DEUP1: variants seen among roughly 807,000 people sequenced by gnomAD.
DEUP1 encodes deuterosome assembly protein 1.
In DEUP1, 82 loss-of-function variants were observed where a neutral mutation model predicts 87.4. The observed-to-expected ratio is 0.94, with a 90% CI of 0.78 to 1.13. The LOEUF is 1.13. Among genes scored for constraint, DEUP1 ranks in the 50% most tolerant of loss-of-function variants. The pLI is 0.00. For missense variants in DEUP1, 663 were observed against 681.5 expected (o/e 0.97, Z 0.30); for synonymous variants, 214 against 222.7 (o/e 0.96, Z 0.35).
intron 13 of DEUP1, among the ~76,000 whole-genome samples, chr11:93,427,315 A>G (rs971977572): frequency 1.3e-5 from 2 of 151,884 alleles, no homozygotes; most frequent in Non-Finnish European, 2.9e-5. Flanking sequence ...CTCAGAAATA[A>G]TGCCGCATAT....
At chr11:93,414,781 G>A (rs907122424) in intron 12 of DEUP1, among the ~76,000 whole-genome samples, 1 of 152,096 alleles carries the variant, frequency 6.6e-6, no homozygotes, top group African/African-American at 2.4e-5. Context: ...TTTAACAGTT[G>A]TTAAGTTTTC....
intron 9 of DEUP1, among the ~76,000 whole-genome samples, chr11:93,394,024 T>A (rs1310241253): frequency 6.6e-6 from 1 of 152,216 alleles, no homozygotes; most frequent in Non-Finnish European, 1.5e-5. Flanking sequence ...GTACAGCCTA[T>A]TTTAGTTTTA....
chr11:93,375,886 T>C (rs1005298431), intron 7 of DEUP1, among the ~76,000 whole-genome samples: 11 of 152,234 alleles, frequency 7.2e-5, no homozygotes, highest in African/African-American at 2.7e-4. Context: ...GAATGTTTGA[T>C]AGAATTTAGC....
At chr11:93,416,113 T>C (rs1439137979) in intron 13 of DEUP1, among the ~76,000 whole-genome samples, 4 of 152,158 alleles carry the variant, frequency 2.6e-5, no homozygotes, top group Non-Finnish European at 2.9e-5. Flanking sequence ...TCAAGTAGCG[T>C]ATAAGAGTTG....
intron 5 of DEUP1, among the ~76,000 whole-genome samples, chr11:93,365,219 G>C (rs1227344520): frequency 6.6e-6 from 1 of 151,924 alleles, no homozygotes; most frequent in African/African-American, 2.4e-5. Flanking sequence ...AATTAAATCC[G>C]GGATCACAGC....
intron 7 of DEUP1, among the ~76,000 whole-genome samples, chr11:93,373,225 A>G (rs1945824834): frequency 6.6e-6 from 1 of 152,140 alleles, no homozygotes; most frequent in Admixed American, 6.5e-5. Flanking sequence ...TTCTTTTGGC[A>G]GGGGAACAGG....
chr11:93,344,170 T>C (rs1274303122), intron 2 of DEUP1, among the ~76,000 whole-genome samples: 1 of 152,164 alleles, frequency 6.6e-6, no homozygotes, highest in Non-Finnish European at 1.5e-5. Flanking sequence ...AAGAGCAGAC[T>C]GACATCACAG....
intron 11 of DEUP1, among the ~76,000 whole-genome samples, chr11:93,397,332 G>A (rs559726367): frequency 1.2e-4 from 19 of 152,120 alleles, no homozygotes; most frequent in African/African-American, 4.6e-4. Flanking sequence ...CCTGTGATTG[G>A]AGTACAGATG....
chr11:93,373,625 G>GTATATATATATATATATA (rs1555048258), intron 7 of DEUP1, among the ~76,000 whole-genome samples: 1 of 67,002 alleles, frequency 1.5e-5, no homozygotes, highest in African/African-American at 4.1e-5. Flanking sequence ...ATATATATAC[G>GTATATATATATATATATA]TATATATATA....
chr11:93,333,687 A>G (rs1943601410), intron 2 of DEUP1, among the ~76,000 whole-genome samples: 4 of 152,246 alleles, frequency 2.6e-5, no homozygotes, highest in Admixed American at 2.6e-4. Flanking sequence ...AGAAAGACAA[A>G]AAAAGCAGGA....
chr11:93,339,735 G>A (rs1292150810), intron 2 of DEUP1, among the ~76,000 whole-genome samples: 1 of 152,158 alleles, frequency 6.6e-6, no homozygotes, highest in Admixed American at 6.5e-5. Context: ...AGTGTCGGAG[G>A]AGGCCACGTA....
intron 11 of DEUP1, among the ~76,000 whole-genome samples, chr11:93,401,693 C>T (rs1433238640): frequency 6.6e-6 from 1 of 151,856 alleles, no homozygotes; most frequent in East Asian, 1.9e-4. Context: ...CCACTTCACA[C>T]CCACTAGAAT....
chr11:93,372,325 C>A (rs1245114540), intron 7 of DEUP1, among the ~76,000 whole-genome samples: 3 of 152,176 alleles, frequency 2.0e-5, no homozygotes, highest in Non-Finnish European at 4.4e-5. Context: ...CTGTTTCTAT[C>A]ACTTCCTCCA....
intron 13 of DEUP1, among the ~76,000 whole-genome samples, chr11:93,419,840 C>T (rs1191273493): frequency 6.7e-6 from 1 of 149,578 alleles, no homozygotes; most frequent in Non-Finnish European, 1.5e-5. Flanking sequence ...ATAAACAAAA[C>T]ACCTTCAAAA....
chr11:93,361,998 C>A (rs1404949289), intron 4 of DEUP1, among the ~76,000 whole-genome samples: 1 of 151,940 alleles, frequency 6.6e-6, no homozygotes, highest in Non-Finnish European at 1.5e-5. Context: ...GGTGCAATGA[C>A]AAGAGGATAT....
intron 2 of DEUP1, among the ~76,000 whole-genome samples, chr11:93,337,550 C>T (rs1172333967): frequency 6.6e-6 from 1 of 152,168 alleles, no homozygotes; most frequent in African/African-American, 2.4e-5. Context: ...CACGTATATT[C>T]CTCCCCAGAG....
intron 12 of DEUP1, among the ~76,000 whole-genome samples, chr11:93,413,241 A>AT (rs11331603): frequency 1.6e-3 from 194 of 118,000 alleles, no homozygotes; most frequent in South Asian, 4.4e-3. Context: ...GTCTTTGATG[A>AT]TTTTTTTTTT....
intron 5 of DEUP1, among the ~76,000 whole-genome samples, chr11:93,365,509 TGA>T (rs1408957626): frequency 6.6e-6 from 1 of 152,094 alleles, no homozygotes; most frequent in Non-Finnish European, 1.5e-5. Flanking sequence ...ATGAAGAGAT[TGA>T]GTCACTAATA....
chr11:93,370,274 G>T, intron 6 of DEUP1, 88 bp downstream of exon 6: 1 of 671,218 alleles, frequency 1.5e-6, no homozygotes, highest in Non-Finnish European at 2.4e-6. Flanking sequence ...TTTACAAACA[G>T]ACATGCCAAC....
Sources: allele counts gnomAD v4.1 joint callset (sites outside exome capture counted in the v4.1 genomes callset), GRCh38; gene constraint gnomAD v4.1.1; transcripts MANE v1.5; gene names NCBI Gene and HGNC (gene_info 2026-07-23, HGNC 2026-07-21).